The following THSD7B variants were observed in gnomAD, a reference collection of about 807,000 sequenced individuals.
THSD7B encodes thrombospondin type-1 domain-containing protein 7B.
A neutral mutation model predicts 213.6 loss-of-function variants in THSD7B; 138 were observed. That is an observed-to-expected ratio of 0.65 (90% confidence interval 0.56 to 0.74). The LOEUF is 0.74. THSD7B is among the 30% of genes least tolerant of loss of function. THSD7B has a pLI of 0.00. For missense variants in THSD7B, 1,931 were observed against 1,991.5 expected, an observed-to-expected ratio of 0.97 and a Z score of 0.58; for synonymous variants, 742 against 687.0, an observed-to-expected ratio of 1.08 and a Z score of -1.25.
At chr2:137,440,461 C>T (rs1161514121) in intron 14 of THSD7B, among the ~76,000 whole-genome samples, 2 of 142,048 alleles carry the variant, frequency 1.4e-5, no homozygotes, top group African/African-American at 5.7e-5. Flanking sequence ...CCTCACCTTA[C>T]CTTTTTTTTT....
intron 15 of THSD7B, among the ~76,000 whole-genome samples, chr2:137,514,530 C>A (rs1481488384): frequency 1.3e-5 from 2 of 152,086 alleles, no homozygotes; most frequent in African/African-American, 4.8e-5. Flanking sequence ...AATAAACTCC[C>A]CTTTATATAT....
intron 2 of THSD7B, among the ~76,000 whole-genome samples, chr2:137,005,819 A>G (rs1686095822): frequency 6.6e-6 from 1 of 152,204 alleles, no homozygotes; most frequent in Admixed American, 6.5e-5. Flanking sequence ...ATAAAATAAA[A>G]AATAATAAGT....
intron 2 of THSD7B, among the ~76,000 whole-genome samples, chr2:136,950,262 A>G (rs532044854): frequency 7.6e-6 from 1 of 130,804 alleles, no homozygotes; most frequent in East Asian, 2.5e-4. Flanking sequence ...AGAAGAAAAA[A>G]ATAAAAATAA....
chr2:137,464,571 G>T (rs1687955004), intron 15 of THSD7B, among the ~76,000 whole-genome samples: 1 of 152,014 alleles, frequency 6.6e-6, no homozygotes, highest in Non-Finnish European at 1.5e-5. Flanking sequence ...AGTCCCTGGT[G>T]GAGGGAATGT....
chr2:137,340,981 G>GTTTTTTTTTTTTTT (rs70978213), intron 12 of THSD7B, among the ~76,000 whole-genome samples: 1 of 98,662 alleles, frequency 1.0e-5, no homozygotes, highest in Non-Finnish European at 2.2e-5. Context: ...TTCTCTTTTT[G>GTTTTTTTTTTTTTT]TTTTTTTTTT....
At chr2:137,116,030 G>T (rs1573832800) in intron 5 of THSD7B, among the ~76,000 whole-genome samples, 1 of 152,310 alleles carries the variant, frequency 6.6e-6, no homozygotes, top group African/African-American at 2.4e-5. Flanking sequence ...GTTTCCTTGG[G>T]CTTGCCAGGT....
chr2:137,310,681 A>G (rs930117460), intron 12 of THSD7B, among the ~76,000 whole-genome samples: 9 of 152,102 alleles, frequency 5.9e-5, no homozygotes, highest in Middle Eastern at 3.2e-3. Flanking sequence ...TGATTTTTGT[A>G]TAAGGCATAA....
chr2:137,391,714 T>A (rs892733722), intron 12 of THSD7B, among the ~76,000 whole-genome samples: 1 of 152,042 alleles, frequency 6.6e-6, no homozygotes. Context: ...AACTTCTTTT[T>A]TTGTTACTCT....
intron 15 of THSD7B, among the ~76,000 whole-genome samples, chr2:137,551,158 C>T (rs750088109): frequency 6.6e-6 from 1 of 152,018 alleles, no homozygotes; most frequent in African/African-American, 2.4e-5. Flanking sequence ...TGAAAGTGAT[C>T]TCTGAAGGTC....
At chr2:137,356,335 A>T (rs1032087508) in intron 12 of THSD7B, among the ~76,000 whole-genome samples, 23 of 152,236 alleles carry the variant, frequency 1.5e-4, no homozygotes, top group African/African-American at 5.3e-4. Context: ...TCCACCTTAA[A>T]AATTAGATCT....
At chr2:137,361,712 T>G (rs1685265729) in intron 12 of THSD7B, among the ~76,000 whole-genome samples, 1 of 152,042 alleles carries the variant, frequency 6.6e-6, no homozygotes, top group East Asian at 1.9e-4. Flanking sequence ...GAACAAACTC[T>G]CCAAGAAATA....
At chr2:136,996,184 C>T (rs1685884054) in intron 2 of THSD7B, among the ~76,000 whole-genome samples, 1 of 152,172 alleles carries the variant, frequency 6.6e-6, no homozygotes. Context: ...CTTCGTCTGT[C>T]TGTGTGCACT....
At chr2:137,543,968 T>G (rs1680653202) in intron 15 of THSD7B, among the ~76,000 whole-genome samples, 1 of 151,674 alleles carries the variant, frequency 6.6e-6, no homozygotes, top group South Asian at 2.1e-4. Context: ...ACACAGTAAG[T>G]GTTGGTGAAG....
chr2:136,891,109 T>A (rs2082117), intron 2 of THSD7B, among the ~76,000 whole-genome samples: 53,562 of 151,696 alleles, frequency 0.35, 10,863 homozygotes, highest in East Asian at 0.97. Flanking sequence ...ATGATTTTTT[T>A]AAATTTCATC....
chr2:137,352,160 AAGGAGGAGG>A (rs375942528), intron 12 of THSD7B, among the ~76,000 whole-genome samples: 11 of 151,042 alleles, frequency 7.3e-5, no homozygotes, highest in Admixed American at 6.0e-4. Context: ...GTGAGGGGAG[AAGGAGGAGG>A]AGGAGGAGGA....
At chr2:137,454,562 T>C (rs1168828441) in intron 15 of THSD7B, among the ~76,000 whole-genome samples, 5 of 152,238 alleles carry the variant, frequency 3.3e-5, no homozygotes, top group East Asian at 1.9e-4. Flanking sequence ...TAGAATCCCA[T>C]GTGTTTGTTA....
At chr2:137,146,006 C>G (rs1679694614) in intron 5 of THSD7B, among the ~76,000 whole-genome samples, 1 of 151,824 alleles carries the variant, frequency 6.6e-6, no homozygotes, top group South Asian at 2.1e-4. Flanking sequence ...ATTTTATAAC[C>G]CATTTTCTCT....
intron 12 of THSD7B, among the ~76,000 whole-genome samples, chr2:137,349,428 G>T (rs1684960263): frequency 1.3e-5 from 2 of 151,732 alleles, no homozygotes; most frequent in African/African-American, 4.8e-5. Context: ...ATCATGTCTG[G>T]CATATGCAAA....
intron 15 of THSD7B, among the ~76,000 whole-genome samples, chr2:137,523,213 C>T (rs948542358): frequency 2.0e-5 from 3 of 152,124 alleles, no homozygotes; most frequent in Non-Finnish European, 4.4e-5. Context: ...ATTCAAAATT[C>T]AATTTTTGCC....
Sources: allele counts gnomAD v4.1 joint callset (sites outside exome capture counted in the v4.1 genomes callset), GRCh38; gene constraint gnomAD v4.1.1; transcripts MANE v1.5; gene names NCBI Gene and HGNC (gene_info 2026-07-23, HGNC 2026-07-21).